Variants in IPO4 observed in about 807,000 individuals in gnomAD.
The protein encoded by IPO4 is importin 4.
IPO4 carries 91 observed loss-of-function variants against 133.5 expected under a neutral mutation model. That is an observed-to-expected ratio of 0.68 (90% CI 0.58 to 0.81). IPO4 has a LOEUF of 0.81. Among genes scored for constraint, IPO4 ranks in the 30% least tolerant of loss-of-function variants. The pLI, the probability that IPO4 is intolerant of heterozygous loss-of-function variation, is 0.00. For missense variants in IPO4, 1,279 were observed against 1,386.2 expected, an observed-to-expected ratio of 0.92 and a Z score of 1.23; for synonymous variants, 607 against 581.6, an observed-to-expected ratio of 1.04 and a Z score of -0.63.
rs775202663 is a variant in IPO4 at position 24,188,175 on chromosome 14, C to A, written c.278+41G>T. ...CCGAAAAGGAAGGCAGAAACCTAGA[C>A]AAAGTCGTCAAGATCCCGAGAGAAG... On this transcript the variant is annotated intron_variant, in intron 4 of 29. Transcript: ENST00000354464. 5 of 1,601,232 alleles carry A rather than the reference C, an allele frequency of 3.1e-6. No individual in the cohort carries two copies. In the East Asian group the frequency reaches 9.0e-5, roughly 29 times the overall value.
Position 24,187,445 on chromosome 14 carries a change from C to T in IPO4, c.543G>A (p.Leu181=). Residue 181 remains leucine, a synonymous_variant, in exon 6 of 30, where the codon CTG becomes CTA. Coordinates refer to ENST00000354464, the MANE Select transcript of IPO4 (RefSeq NM_024658.4). ...VGSPGLLFYS[L]RTLTTMAPYL... is the part of the protein sequence containing the mutation. ...AGGGAGCCATGGTGGTCAGAGTGCGCAGGGAGTAGAAGAGCAGCCCAGGAG... is the reference window on the plus strand; with the variant it reads ...AGGGAGCCATGGTGGTCAGAGTGCGTAGGGAGTAGAAGAGCAGCCCAGGAG... 6.2e-7 allele frequency: 1 copy of T among 1,614,086 alleles called. No homozygotes were observed. The highest frequency in any genetic ancestry group is 8.5e-7 in the Non-Finnish European group (1 of 1,180,016).
Position 24,187,684 on chromosome 14 carries a change from G to A in IPO4, c.391C>T (p.His131Tyr), listed in dbSNP as rs61752845. ...QLLQHSTHSP[H>Y]SPEREMGLLL... ...GATGGTACCTCTCTCTCTGGGCTGT[G>A]GGGGCTGTGGGTACTGTGCTGAAGC... Residue 131 changes from histidine (H) to tyrosine (Y), a missense_variant, in exon 5 of 30, where the codon CAC becomes TAC. Coordinates refer to ENST00000354464, the MANE Select transcript of IPO4 (RefSeq NM_024658.4). The A allele has an allele frequency of 2.4e-3, 3,872 of 1,614,202 alleles. 12 individuals carry two copies. The highest frequency in any genetic ancestry group is 5.5e-3 in the Admixed American group (328 of 60,026).
rs1312124830 is a variant in IPO4, at chr14:24,184,363, C to T, written c.1692G>A (p.Glu564=). 1.2e-6 allele frequency: 2 copies of T among 1,604,864 alleles called. No homozygotes were observed. The highest frequency in any genetic ancestry group is 1.3e-5 in the African/African-American group (1 of 74,786). Residue 564 remains glutamate (E), a synonymous_variant, in exon 17 of 30, where the codon GAG becomes GAA. Transcript: ENST00000354464. ...AVGEPMRPLA[E]ECCQLGLGLC... The stretch of plus-strand genomic sequence containing the variant: ...GGCCCAGACCCAGCTGGCAGCATTC[C>T]TCAGCCAGCGGCCTCATGGGCTCCC...
chr14:24,188,528 G>C, intron 2 of IPO4, 24 bp downstream of exon 2: 2 of 1,609,578 alleles, frequency 1.2e-6, no homozygotes, highest in Non-Finnish European at 1.7e-6. Context: ...TGGGAAGCTC[G>C]GAGGGGAGAG....
At position 24,180,517 on chromosome 14, in the gene IPO4, G is replaced by A; in HGVS notation, c.3171C>T (p.Asp1057=). ...LLTFLAKQHT[D]SFQAALGSLP... ...GTGAGCCCAGAGCTGCTTGAAAGCT[G>A]TCGGTGTGCTGTTTGGCCAGGAACG... The change falls in exon 30 of 30, where the codon GAC becomes GAT. Residue 1057 remains aspartate, a synonymous_variant. Transcript: ENST00000354464. 1 of 1,614,142 alleles carries A rather than the reference G, an allele frequency of 6.2e-7. No individual in the cohort carries two copies.
chr14:24,186,623 C>A (rs2039226935), intron 9 of IPO4, 85 bp downstream of exon 9: 3 of 1,407,524 alleles, frequency 2.1e-6, no homozygotes, highest in Admixed American at 1.8e-5. Flanking sequence ...ACTTTAGATA[C>A]CCTGAGATGG....
rs1228267379 is a variant in IPO4, at chr14:24,184,307, CG to C, written c.1747del (p.Arg583GlyfsTer14). On this transcript the variant is annotated frameshift_variant, in exon 17 of 30. Coordinates refer to ENST00000354464, the MANE Select transcript of IPO4 (RefSeq NM_024658.4). LOFTEE classifies it high-confidence loss of function. ...LCDQVDDPDL[R>X]RCTYSLFAAL... ...GTGAGGGGTCACTCACGTGCAGCGCCGCAAGTCAGGGTCGTCTACCTGGTCG... is the reference window on the plus strand; with the variant it reads ...GTGAGGGGTCACTCACGTGCAGCGCCCAAGTCAGGGTCGTCTACCTGGTCG... 1 of 1,583,476 alleles carries C rather than the reference CG, an allele frequency of 6.3e-7. No individual in the cohort carries two copies. The highest frequency in any genetic ancestry group is 8.6e-7 in the Non-Finnish European group (1 of 1,165,030).
At chr14:24,188,086 TA>T in intron 4 of IPO4, 129 bp downstream of exon 4, 1 of 1,027,266 alleles carries the variant, frequency 9.7e-7, no homozygotes, top group Non-Finnish European at 1.5e-6. Context: ...AAAACAGCCT[TA>T]AAATCCTCAC....
Position 24,183,188 on chromosome 14 carries a change from G to A in IPO4, c.2228-19C>T, listed in dbSNP as rs1452700906. The A allele has an allele frequency of 6.2e-7, 1 of 1,609,932 alleles. No homozygotes were observed. On this transcript the variant is annotated intron_variant, in intron 22 of 29. Transcript: ENST00000354464. ...TGCAAAGCTGGGGACATTATTGGCT[G>A]AAGCACCAGTCAGGCCCTGCCCCTC...
intron 11 of IPO4, 58 bp from the exon 12 acceptor site, chr14:24,186,028 G>T: frequency 1.3e-6 from 2 of 1,596,186 alleles, no homozygotes; most frequent in Non-Finnish European, 1.7e-6. Flanking sequence ...CATTCCTGTG[G>T]TAATAGGCCT....
intron 29 of IPO4, 21 bp downstream of exon 29, chr14:24,180,668 G>A: frequency 1.2e-6 from 2 of 1,614,014 alleles, no homozygotes; most frequent in East Asian, 2.2e-5. Context: ...GCAAGCCCCT[G>A]CCTATGACTC....
Position 24,183,996 on chromosome 14 carries a change from A to G in IPO4, c.1869+2T>C. The G allele has an allele frequency of 7.3e-7, 1 of 1,374,360 alleles. No homozygotes were observed. The highest frequency in any genetic ancestry group is 9.8e-7 in the Non-Finnish European group (1 of 1,018,054). The allele number at this position is 1,374,360 out of a possible 1,614,324, so 85.1% of individuals were successfully genotyped here. On this transcript the variant is annotated splice_donor_variant, in intron 18 of 29. Transcript: ENST00000354464. LOFTEE classifies it high-confidence loss of function. ...GGCCCAGCCCACCCACCCTTTGCTC[A>G]CCACAATGCCCTCGGTGGAACGCAG... is the stretch of plus-strand genomic sequence containing the variant.
chr14:24,185,231 GGT>G lies in IPO4; in HGVS notation c.1358_1359del (p.His453ProfsTer82). Reference sequence around the variant, plus strand: ...AGGGCATAGCAGGCCTTGGCTAGGTGGTGTGTGTGTCCAAGAGGCACCGACTT... The same window carrying G: ...AGGGCATAGCAGGCCTTGGCTAGGTGGTGTGTGTCCAAGAGGCACCGACTT... ...YLKSVPLGHT[H>X]HLAKACYALE... On this transcript the variant is annotated frameshift_variant, in exon 14 of 30. Transcript: ENST00000354464. LOFTEE classifies it high-confidence loss of function. 6.2e-7 allele frequency: 1 copy of G among 1,614,152 alleles called. No homozygotes were observed. The highest frequency in any genetic ancestry group is 8.5e-7 in the Non-Finnish European group (1 of 1,180,012).
chr14:24,182,744 G>A, intron 24 of IPO4, 48 bp downstream of exon 24: 3 of 1,606,102 alleles, frequency 1.9e-6, no homozygotes, highest in South Asian at 1.1e-5. Flanking sequence ...CTGTCCCTGT[G>A]GAGACTGCCT....
intron 11 of IPO4, 69 bp downstream of exon 11, chr14:24,186,060 C>T (rs747882300): frequency 1.3e-5 from 21 of 1,600,818 alleles, no homozygotes; most frequent in Admixed American, 5.0e-5. Flanking sequence ...AGGGTCTAAA[C>T]GTCGTTGGCC....
At position 24,188,066 on chromosome 14, in the gene IPO4, T is replaced by C. The variant is rs752170349; in HGVS notation, c.278+150A>G. On this transcript the variant is annotated intron_variant, in intron 4 of 29. Transcript: ENST00000354464. ...ATCATCATCACCCTTCCTCAAGAAC[T>C]TTAGTCTTCAAAACAGCCTTAAAAT... 510 of 876,158 alleles carry C rather than the reference T, an allele frequency of 5.8e-4. 1 individual carries two copies. Among genetic ancestry groups the C allele is most frequent in the Non-Finnish European group, 8.3e-4 (462 of 559,834 alleles). 54.3% of individuals were successfully genotyped at this position (876,158 alleles called of 1,614,324 possible).
rs370556515 is a variant in IPO4 at position 24,184,320 on chromosome 14, C to T, written c.1735G>A (p.Asp579Asn). 9.5e-6 allele frequency: 15 copies of T among 1,586,124 alleles called. No individual in the cohort carries two copies. The East Asian group carries it at 1.2e-4, about 12-fold the overall frequency. Reference sequence around the variant, plus strand: ...CACGTGCAGCGCCGCAAGTCAGGGTCGTCTACCTGGTCGCAGAGGCCCAGA... The same window carrying T: ...CACGTGCAGCGCCGCAAGTCAGGGTTGTCTACCTGGTCGCAGAGGCCCAGA... ...LGLGLCDQVD[D>N]PDLRRCTYSL... The change falls in exon 17 of 30, where the codon GAC becomes AAC. Residue 579 changes from aspartate to asparagine, a missense_variant. Asp to Asn is a conservative substitution (Grantham distance 23). Coordinates refer to ENST00000354464, the MANE Select transcript of IPO4 (RefSeq NM_024658.4).
intron 29 of IPO4, 27 bp downstream of exon 29, chr14:24,180,662 G>T: frequency 6.2e-7 from 1 of 1,613,760 alleles, no homozygotes; most frequent in South Asian, 1.1e-5. Context: ...CCTCCCGCAA[G>T]CCCCTGCCTA....
chr14:24,187,529 G>C lies in IPO4; in HGVS notation c.459C>G (p.Phe153Leu), dbSNP rs2039241873. The change falls in exon 6 of 30, where the codon TTC becomes TTG. Residue 153 changes from phenylalanine (F) to leucine (L), a missense_variant. Phe to Leu is a conservative substitution (Grantham distance 22). This residue lies in a region of IPO4 where 695 missense variants were observed against 704.1 expected (regional missense o/e 0.99). Coordinates refer to ENST00000354464, the MANE Select transcript of IPO4 (RefSeq NM_024658.4). ...SVVVTSRPEA[F>L]QPHHRELLRL... is the part of the protein sequence containing the mutation. ...GAAGAAGCTCCCGGTGGTGGGGTTG[G>C]AAGGCCTCGGGCCGGGAGGTCACCA... 6.2e-7 allele frequency: 1 copy of C among 1,614,016 alleles called. No homozygotes were observed. Among genetic ancestry groups the C allele is most frequent in the Admixed American group, 1.7e-5 (1 of 60,000 alleles).
Sources: gnomAD v4.1 joint callset for allele counts on GRCh38, gnomAD v4.1.1 for gene constraint, gnomAD v4.1.1 regional missense constraint, MANE v1.5 for transcripts, NCBI Gene and HGNC (gene_info 2026-07-23, HGNC 2026-07-21) for gene names.